The following LCOR variants were observed in gnomAD, a reference collection of about 807,000 sequenced individuals.
The protein encoded by LCOR is ligand dependent nuclear receptor corepressor.
A neutral mutation model predicts 64.4 loss-of-function variants in LCOR; 14 were observed. That is an observed-to-expected ratio of 0.22 (90% CI 0.14 to 0.34). The LOEUF is 0.34. Among genes scored for constraint, LCOR ranks in the 10% least tolerant of loss-of-function variants. LCOR has a pLI of 1.00. For missense variants in LCOR, 1,686 were observed against 1,765.3 expected, an observed-to-expected ratio of 0.96 and a Z score of 0.80; for synonymous variants, 643 against 642.5, an observed-to-expected ratio of 1.00 and a Z score of -0.01.
rs1262040174 is a variant in LCOR, at chr10:96,882,218, TG to T, written c.-329-25046del. On this transcript the variant is annotated intron_variant, in intron 2 of 7. Transcript: ENST00000421806. Reference sequence around the variant, plus strand: ...TTACCTTTTTTGCACATTTCTTTAATGTATGGGTTAACAGAAGGTAACTGAA... The same window carrying T: ...TTACCTTTTTTGCACATTTCTTTAATTATGGGTTAACAGAAGGTAACTGAA... Among the ~76,000 whole-genome samples, 3 of 152,364 alleles carry T rather than the reference TG, an allele frequency of 2.0e-5. No individual in the cohort carries two copies. The East Asian group carries it at 5.8e-4, about 29-fold the overall frequency.
chr10:96,838,021 G>A (rs1002229471), intron 2 of LCOR, among the ~76,000 whole-genome samples: 3 of 152,154 alleles, frequency 2.0e-5, no homozygotes, highest in African/African-American at 7.2e-5. Flanking sequence ...TTATTTTCTA[G>A]TCTATCTGTG....
At chr10:96,865,632 T>C (rs970242705) in intron 2 of LCOR, among the ~76,000 whole-genome samples, 2 of 152,106 alleles carry the variant, frequency 1.3e-5, no homozygotes, top group Admixed American at 6.6e-5. Flanking sequence ...CCCAGCACTT[T>C]GGGAGGCTGA....
chr10:96,859,910 G>A (rs1022807343), intron 2 of LCOR, among the ~76,000 whole-genome samples: 3 of 152,088 alleles, frequency 2.0e-5, no homozygotes, highest in African/African-American at 7.2e-5. Context: ...GAAGGACATT[G>A]GCCAGGCCTG....
chr10:96,895,315 TGTAA>T (rs1481964108), intron 2 of LCOR, among the ~76,000 whole-genome samples: 2 of 152,172 alleles, frequency 1.3e-5, no homozygotes, highest in African/African-American at 4.8e-5. Context: ...AGACCAAAAG[TGTAA>T]GTGTCATTTT....
chr10:96,856,260 A>C (rs1235356222), intron 2 of LCOR, among the ~76,000 whole-genome samples: 1 of 151,980 alleles, frequency 6.6e-6, no homozygotes, highest in Non-Finnish European at 1.5e-5. Context: ...TTTAGTAGAG[A>C]CAGGATTTCA....
intron 7 of LCOR, chr10:96,958,121 C>G (rs895398666): frequency 2.2e-5 from 26 of 1,164,154 alleles, no homozygotes; most frequent in Non-Finnish European, 2.8e-5. Flanking sequence ...GCCATAGTAC[C>G]TTTTTGCGTA....
At chr10:96,905,648 C>T (rs1461812274) in intron 2 of LCOR, among the ~76,000 whole-genome samples, 1 of 151,982 alleles carries the variant, frequency 6.6e-6, no homozygotes, top group Non-Finnish European at 1.5e-5. Flanking sequence ...GAGAGGGGAC[C>T]ATAGCAATTT....
rs114745988 is a variant in LCOR at position 96,833,609 on chromosome 10, G to T, written c.-330+130G>T. 523 of 251,854 alleles carry T rather than the reference G, an allele frequency of 2.1e-3. 3 individuals are homozygous for T. Among genetic ancestry groups the T allele is most frequent in the African/African-American group, 0.012 (501 of 43,292 alleles). The allele number at this position is 251,854 out of a possible 1,614,324, so 15.6% of individuals were successfully genotyped here. On this transcript the variant is annotated intron_variant, in intron 2 of 7. Transcript: ENST00000421806. ...TGCTTCGGTGCTGCTGGTGTGTGGGGAGATGCCCTCTCGTCGTCCGCTGTC... is the reference window on the plus strand; with the variant it reads ...TGCTTCGGTGCTGCTGGTGTGTGGGTAGATGCCCTCTCGTCGTCCGCTGTC...
In LCOR at chr10:96,833,489, C is replaced by G. The variant is rs1252670037; in HGVS notation, c.-330+10C>G. 6.1e-6 allele frequency: 6 copies of G among 983,244 alleles called. No homozygotes were observed. Among genetic ancestry groups the G allele is most frequent in the Non-Finnish European group, 7.2e-6 (6 of 827,634 alleles). The allele number at this position is 983,244 out of a possible 1,614,324, so 60.9% of individuals were successfully genotyped here. A position where few individuals can be genotyped will look rare whatever the true frequency, so the allele number is the denominator to read the frequency against. ...AACCCCCCTCCAAAAAGTAAGTGGC[C>G]CGTGTGGTGTCTCCGCTCCGCCCGC... On this transcript the variant is annotated intron_variant, in intron 2 of 7. Transcript: ENST00000421806.
chr10:96,935,107 C>CT (rs573363486), intron 4 of LCOR, among the ~76,000 whole-genome samples: 14 of 94,976 alleles, frequency 1.5e-4, no homozygotes, highest in Non-Finnish European at 2.8e-4. Context: ...GAATTGGTTT[C>CT]TTTAACTTTT....
At chr10:96,882,514 G>A (rs1233924293) in intron 2 of LCOR, among the ~76,000 whole-genome samples, 3 of 152,134 alleles carry the variant, frequency 2.0e-5, no homozygotes, top group Non-Finnish European at 4.4e-5. Flanking sequence ...TCCCACACAT[G>A]TACAGCTCTC....
intron 2 of LCOR, among the ~76,000 whole-genome samples, chr10:96,841,437 T>G (rs1845539836): frequency 6.7e-6 from 1 of 149,940 alleles, no homozygotes; most frequent in Non-Finnish European, 1.5e-5. Flanking sequence ...CTCGGCCCAC[T>G]GCAACCTCCA....
rs116181662 is a variant in LCOR, at chr10:96,880,007, A to G, written c.-329-27258A>G. 3.3e-3 allele frequency among the ~76,000 whole-genome samples: 501 copies of G among 152,330 alleles called. 3 individuals are homozygous for G. The highest frequency in any genetic ancestry group is 0.012 in the African/African-American group (482 of 41,570). On this transcript the variant is annotated intron_variant, in intron 2 of 7. Coordinates refer to ENST00000421806, the MANE Select transcript of LCOR (RefSeq NM_001346516.2). ...TCTGTTTGCATGTCTGGCATGTTAC[A>G]AGAAGTATTGGTTTGGGATTTGTGG...
intron 2 of LCOR, among the ~76,000 whole-genome samples, chr10:96,840,105 A>T (rs940793620): frequency 6.6e-6 from 1 of 152,226 alleles, no homozygotes; most frequent in Admixed American, 6.5e-5. Context: ...AGTGTCAGGT[A>T]TAATGATGTC....
At chr10:96,940,243 C>T (rs1388743642) in intron 4 of LCOR, among the ~76,000 whole-genome samples, 1 of 145,640 alleles carries the variant, frequency 6.9e-6, no homozygotes, top group Non-Finnish European at 1.5e-5. Flanking sequence ...AAATAGTTAA[C>T]GTGATACGGA....
intron 2 of LCOR, among the ~76,000 whole-genome samples, chr10:96,875,681 G>A (rs551345351): frequency 1.3e-5 from 2 of 152,070 alleles, no homozygotes; most frequent in African/African-American, 4.8e-5. Context: ...GGGCAACGTG[G>A]TGAAACCCTG....
chr10:96,871,230 T>TTC, intron 2 of LCOR, among the ~76,000 whole-genome samples: 2 of 151,880 alleles, frequency 1.3e-5, no homozygotes, highest in South Asian at 4.2e-4. Context: ...TTTTTTTTTT[T>TTC]TCCTCTTGTA....
chr10:96,877,280 T>A (rs899287865), intron 2 of LCOR, among the ~76,000 whole-genome samples: 1 of 152,084 alleles, frequency 6.6e-6, no homozygotes, highest in African/African-American at 2.4e-5. Context: ...TTCAAGCACT[T>A]TGGGAGGCAG....
At chr10:96,932,647 A>G (rs1295418145) in intron 4 of LCOR, among the ~76,000 whole-genome samples, 2 of 152,028 alleles carry the variant, frequency 1.3e-5, no homozygotes, top group African/African-American at 4.8e-5. Flanking sequence ...TATTTTTAGT[A>G]GAGATGGGGT....
Sources: gnomAD v4.1 joint callset for allele counts (sites outside exome capture counted in the v4.1 genomes callset) on GRCh38, gnomAD v4.1.1 for gene constraint, MANE v1.5 for transcripts, NCBI Gene and HGNC (gene_info 2026-07-23, HGNC 2026-07-21) for gene names.